The following DOCK9 variants were observed in gnomAD, a reference collection of about 807,000 sequenced individuals.
DOCK9 encodes dedicator of cytokinesis 9.
In DOCK9, 89 loss-of-function variants were observed where a neutral mutation model predicts 263.3. That is an observed-to-expected ratio of 0.34 (90% confidence interval 0.28 to 0.40). DOCK9 has a LOEUF of 0.40. DOCK9 is among the 10% of genes least tolerant of loss of function. The pLI is 1.00. For missense variants in DOCK9, 2,140 were observed against 2,603.4 expected (o/e 0.82, Z 3.87); for synonymous variants, 976 against 973.1 (o/e 1.00, Z -0.06).
chr13:99,038,847 T>G (rs1240306866), intron 1 of DOCK9, among the ~76,000 whole-genome samples: 1 of 152,176 alleles, frequency 6.6e-6, no homozygotes, highest in African/African-American at 2.4e-5. Flanking sequence ...ACCAAAGTCC[T>G]CCTAATTCCA....
At chr13:98,795,372 G>T (rs1050035780) in intron 52 of DOCK9, among the ~76,000 whole-genome samples, 4 of 152,228 alleles carry the variant, frequency 2.6e-5, no homozygotes, top group Non-Finnish European at 4.4e-5. Context: ...GTGCCTGGAA[G>T]GATCTGAGTG....
At chr13:99,056,611 G>A (rs1194181843) in intron 1 of DOCK9, among the ~76,000 whole-genome samples, 1 of 152,058 alleles carries the variant, frequency 6.6e-6, no homozygotes, top group Non-Finnish European at 1.5e-5. Context: ...TTATGTTTGG[G>A]GGCAACAAAC....
chr13:99,043,781 C>A (rs901605728), intron 1 of DOCK9, among the ~76,000 whole-genome samples: 1 of 152,160 alleles, frequency 6.6e-6, no homozygotes, highest in Non-Finnish European at 1.5e-5. Context: ...ATCCTTTCCA[C>A]AATCAGCCTG....
rs1178744096 is a variant in DOCK9 at position 98,802,511 on chromosome 13, G to A, written c.5726-2033C>T. Among the ~76,000 whole-genome samples, 6 of 152,278 alleles carry A rather than the reference G, an allele frequency of 3.9e-5. No individual in the cohort carries two copies. In the South Asian group the frequency reaches 1.0e-3, roughly 26 times the overall value. ...TGTCTTGAATAGAAAGTGGAGGGCC[G>A]GAAGCTAATCCAGGTTTGGAAGACT... On this transcript the variant is annotated intron_variant, in intron 49 of 52. Coordinates refer to ENST00000682017, the MANE Select transcript of DOCK9 (RefSeq NM_001366683.2).
chr13:98,869,494 A>G (rs2142138960), intron 27 of DOCK9, among the ~76,000 whole-genome samples: 1 of 152,332 alleles, frequency 6.6e-6, no homozygotes, highest in Middle Eastern at 3.4e-3. Context: ...CTATAAACAG[A>G]ATAATTTACT....
intron 1 of DOCK9, among the ~76,000 whole-genome samples, chr13:99,005,913 T>C (rs1883255003): frequency 6.6e-6 from 1 of 152,176 alleles, no homozygotes; most frequent in African/African-American, 2.4e-5. Context: ...AGACTTAGTC[T>C]GCTAACCCTG....
At chr13:98,978,897 A>G (rs1341794253), upstream of DOCK9, among the ~76,000 whole-genome samples, 1 of 152,194 alleles carries the variant, frequency 6.6e-6, no homozygotes, top group Non-Finnish European at 1.5e-5. Context: ...ATGTGTTCCT[A>G]AAAGTCTGTA....
In DOCK9 at chr13:98,975,472, TACACACACACACACAC is replaced by T. The variant is rs146581245; in HGVS notation, c.126+2296_126+2311del. On this transcript the variant is annotated intron_variant, in intron 1 of 52. Transcript: ENST00000682017. Reference sequence around the variant, plus strand: ...CATAATAGTATATTCTCTAAACACATACACACACACACACACACACACACACACACACACACAAGTT... The same window carrying T: ...CATAATAGTATATTCTCTAAACACATACACACACACACACACACACAAGTT... 4.2e-5 allele frequency among the ~76,000 whole-genome samples: 6 copies of T among 142,512 alleles called. No homozygotes were observed. The South Asian group carries it at 1.1e-3, about 27-fold the overall frequency. The allele number at this position is 142,512 out of a possible 152,430, so 93.5% of individuals were successfully genotyped here.
At chr13:99,084,049 G>C (rs1158061468) in intron 1 of DOCK9, among the ~76,000 whole-genome samples, 1 of 152,200 alleles carries the variant, frequency 6.6e-6, no homozygotes, top group Non-Finnish European at 1.5e-5. Flanking sequence ...TCTGAACCTG[G>C]CGTGGTTGCT....
intron 1 of DOCK9, among the ~76,000 whole-genome samples, chr13:98,987,885 C>CA (rs1247233054): frequency 1.3e-5 from 2 of 151,754 alleles, no homozygotes; most frequent in Non-Finnish European, 2.9e-5. Context: ...GGGAGAGCCA[C>CA]AAAAAATATT....
intron 2 of DOCK9, chr13:98,949,848 A>T (rs1347462992): frequency 4.2e-6 from 2 of 480,188 alleles, no homozygotes; most frequent in Non-Finnish European, 8.2e-6. Context: ...GACCCATGAG[A>T]TCTCCTGGAA....
chr13:99,006,539 G>C (rs1405097713), intron 1 of DOCK9, among the ~76,000 whole-genome samples: 1 of 152,150 alleles, frequency 6.6e-6, no homozygotes, highest in Admixed American at 6.5e-5. Flanking sequence ...AACTTTATGG[G>C]CATAAGAAAA....
chr13:99,021,088 G>A (rs958125342), intron 1 of DOCK9, among the ~76,000 whole-genome samples: 4 of 152,158 alleles, frequency 2.6e-5, no homozygotes, highest in Non-Finnish European at 4.4e-5. Context: ...TCAATGCCTC[G>A]TTCCTTTTAT....
chr13:98,840,581 G>C (rs960412320), intron 38 of DOCK9, among the ~76,000 whole-genome samples: 3 of 152,126 alleles, frequency 2.0e-5, no homozygotes, highest in Admixed American at 2.0e-4. Context: ...ACAAACTCAC[G>C]TTACCTGCAT....
chr13:98,957,612 T>A (rs2058199957), intron 1 of DOCK9, among the ~76,000 whole-genome samples: 1 of 150,956 alleles, frequency 6.6e-6, no homozygotes, highest in Non-Finnish European at 1.5e-5. Context: ...GCCCAGAAAA[T>A]TTTTTTCAAA....
At position 98,824,514 on chromosome 13, in the gene DOCK9, G is replaced by A; in HGVS notation, c.5024-10C>T. ...CCTTGTCTAAACACGCCTAGGAAGAGAGGAAGGAGGGACAGTCAGAGTTAG... is the reference window on the plus strand; with the variant it reads ...CCTTGTCTAAACACGCCTAGGAAGAAAGGAAGGAGGGACAGTCAGAGTTAG... On this transcript the variant is annotated splice_polypyrimidine_tract_variant and intron_variant, in intron 44 of 52. Coordinates refer to ENST00000682017, the MANE Select transcript of DOCK9 (RefSeq NM_001366683.2). The A allele has an allele frequency of 6.2e-7, 1 of 1,612,364 alleles. No homozygotes were observed. The highest frequency in any genetic ancestry group is 8.5e-7 in the Non-Finnish European group (1 of 1,178,626).
intron 12 of DOCK9, 83 bp downstream of exon 12, chr13:98,902,205 G>A (rs1255700091): frequency 6.9e-7 from 1 of 1,446,144 alleles, no homozygotes; most frequent in Non-Finnish European, 9.4e-7. Context: ...GCATTACAAG[G>A]TCTAATTTGA....
intron 48 of DOCK9, among the ~76,000 whole-genome samples, chr13:98,807,033 G>A (rs1206570099): frequency 2.6e-5 from 4 of 152,156 alleles, no homozygotes; most frequent in African/African-American, 9.7e-5. Flanking sequence ...CAGTGGGAGT[G>A]AAACCGTCTT....
chr13:99,074,325 T>C (rs902871963), intron 1 of DOCK9, among the ~76,000 whole-genome samples: 2 of 152,240 alleles, frequency 1.3e-5, no homozygotes, highest in African/African-American at 2.4e-5. Flanking sequence ...CCAGGATCTT[T>C]GTAAGGGCTG....
Sources: allele counts gnomAD v4.1 joint callset (sites outside exome capture counted in the v4.1 genomes callset), GRCh38; gene constraint gnomAD v4.1.1; transcripts MANE v1.5; gene names NCBI Gene and HGNC (gene_info 2026-07-23, HGNC 2026-07-21).